Variants in SFSWAP observed in about 807,000 individuals in gnomAD.
The protein encoded by SFSWAP is splicing factor SWAP.
A neutral mutation model predicts 100.7 loss-of-function variants in SFSWAP; 17 were observed. The observed-to-expected ratio is 0.17, with a 90% confidence interval of 0.12 to 0.25. The LOEUF is 0.25. Ranked by LOEUF, SFSWAP falls within the 10% of genes least tolerant of loss-of-function variation. The pLI is 1.00. For synonymous variants in SFSWAP, 504 were observed against 510.1 expected, an observed-to-expected ratio of 0.99 and a Z score of 0.16; for missense variants, 1,005 against 1,262.6, an observed-to-expected ratio of 0.80 and a Z score of 3.09.
At chr12:131,749,225 G>T (rs1411036875) in intron 7 of SFSWAP, among the ~76,000 whole-genome samples, 1 of 152,212 alleles carries the variant, frequency 6.6e-6, no homozygotes, top group African/African-American at 2.4e-5. Context: ...CCACTTCACG[G>T]TGTTGTCAGT....
At chr12:131,719,396 T>G in intron 3 of SFSWAP, 58 bp from the exon 4 acceptor site, 2 of 1,263,574 alleles carry the variant, frequency 1.6e-6, no homozygotes, top group Non-Finnish European at 2.3e-6. Context: ...CTGCCTGCTG[T>G]TAGCAGGTGC....
chr12:131,786,482 C>T lies in SFSWAP; in HGVS notation c.2428C>T (p.Arg810Trp), dbSNP rs368389559. The T allele has an allele frequency of 2.3e-5, 36 of 1,586,774 alleles. No homozygotes were observed. The highest frequency in any genetic ancestry group is 2.8e-5 in the Non-Finnish European group (33 of 1,167,560). ...GTCCAGGTCCCGCTCCCGGTCCCCT[C>T]GGAGGAGAGCCCACTCCCCTGAGAG... ...RRSRSRSRSP[R>W]RRAHSPERRR... is the part of the protein sequence containing the mutation. Residue 810 changes from arginine (R) to tryptophan (W), a missense_variant, in exon 15 of 18, where the codon CGG (arginine) becomes TGG (tryptophan). Arg to Trp is a moderately radical substitution (Grantham distance 101). This residue lies in a region of SFSWAP where 295 missense variants were observed against 347.9 expected (regional missense o/e 0.85). Transcript: ENST00000261674.
chr12:131,744,952 T>C (rs556255270), intron 7 of SFSWAP, among the ~76,000 whole-genome samples: 1 of 152,290 alleles, frequency 6.6e-6, no homozygotes, highest in African/African-American at 2.4e-5. Flanking sequence ...TTCATTAACA[T>C]GAGAACAGCG....
intron 4 of SFSWAP, among the ~76,000 whole-genome samples, chr12:131,721,465 A>C (rs1302988082): frequency 3.3e-5 from 5 of 152,224 alleles, no homozygotes; most frequent in Non-Finnish European, 5.9e-5. Flanking sequence ...CATGAGAGAC[A>C]CATTAACATG....
intron 7 of SFSWAP, among the ~76,000 whole-genome samples, chr12:131,742,153 A>G (rs1418150150): frequency 1.3e-5 from 2 of 152,114 alleles, no homozygotes; most frequent in Non-Finnish European, 2.9e-5. Context: ...GTATCACAGC[A>G]TATGTGTCAG....
chr12:131,789,490 T>C (rs1885105588), intron 15 of SFSWAP, among the ~76,000 whole-genome samples: 1 of 152,116 alleles, frequency 6.6e-6, no homozygotes, highest in South Asian at 2.1e-4. Context: ...TGCCTGTGAA[T>C]AGCCACTGCA....
chr12:131,783,179 TAA>T (rs555914355), intron 14 of SFSWAP, among the ~76,000 whole-genome samples: 66 of 124,532 alleles, frequency 5.3e-4, no homozygotes, highest in Admixed American at 8.3e-4. Flanking sequence ...AGACTCCGTC[TAA>T]AAAAAAAAAA....
intron 1 of SFSWAP, 171 bp from the exon 2 acceptor site, chr12:131,713,900 A>G (rs1877633848): frequency 2.3e-6 from 1 of 435,766 alleles, no homozygotes; most frequent in African/African-American, 2.0e-5. Context: ...AGATATGACT[A>G]TCCAAATTAA....
chr12:131,725,684 G>A lies in SFSWAP; in HGVS notation c.832+54G>A, dbSNP rs76666990. ...GACTTTGGGCCTGTGTTGTGGGGGC[G>A]GCAGGCTGGGTGGTTCTGGGAAAAG... On this transcript the variant is annotated intron_variant, in intron 5 of 17. Coordinates refer to ENST00000261674, the MANE Select transcript of SFSWAP (RefSeq NM_004592.4). This position sits in a 1 kb window ranked among gnomAD's most constrained non-coding sequence, Gnocchi z 4.3. The A allele has an allele frequency of 1.9e-3, 2,649 of 1,361,174 alleles. 63 individuals are homozygous for A. The East Asian group carries it at 0.047, about 24-fold the overall frequency. The allele number at this position is 1,361,174 out of a possible 1,614,324, so 84.3% of individuals were successfully genotyped here.
chr12:131,750,142 G>A (rs1389710327), intron 7 of SFSWAP, among the ~76,000 whole-genome samples: 1 of 152,242 alleles, frequency 6.6e-6, no homozygotes, highest in Non-Finnish European at 1.5e-5. Context: ...AGTGTCTGGG[G>A]AAGGATGGAT....
intron 11 of SFSWAP, 70 bp downstream of exon 11, chr12:131,756,714 C>T (rs570796480): frequency 1.4e-6 from 2 of 1,384,052 alleles, no homozygotes; most frequent in South Asian, 1.5e-5. Context: ...TCCTCGGTGA[C>T]CTCAGACTCA....
chr12:131,770,251 C>G (rs975466274), intron 13 of SFSWAP, among the ~76,000 whole-genome samples: 2 of 152,186 alleles, frequency 1.3e-5, no homozygotes, highest in Non-Finnish European at 2.9e-5. Flanking sequence ...TTCTCGGAGT[C>G]CAGGAGGACT....
intron 7 of SFSWAP, among the ~76,000 whole-genome samples, chr12:131,735,319 T>C (rs1353274279): frequency 6.6e-6 from 1 of 152,242 alleles, no homozygotes; most frequent in African/African-American, 2.4e-5. Flanking sequence ...TGGATGACTC[T>C]GAGCCCTTTG....
Position 131,754,627 on chromosome 12 carries a change from CTTTTTTT to C in SFSWAP, c.1454+146_1454+152del, listed in dbSNP as rs869226840. 21 of 80,750 alleles carry C rather than the reference CTTTTTTT, an allele frequency of 2.6e-4. No individual in the cohort carries two copies. The South Asian group carries it at 4.6e-3, about 18-fold the overall frequency. The allele number at this position is 80,750 out of a possible 1,614,324, so 5.0% of individuals were successfully genotyped here. On this transcript the variant is annotated intron_variant, in intron 9 of 17. Transcript: ENST00000261674. ...TTAAGCCTTTTCTTGGCTCAAATGT[CTTTTTTT>C]TTTTTTTTTTTTTTTTTGAGATGGA...
rs142327691 is a variant in SFSWAP at position 131,795,496 on chromosome 12, C to G, written c.2535-1682C>G. 3.8e-3 allele frequency among the ~76,000 whole-genome samples: 572 copies of G among 152,282 alleles called. 4 individuals carry two copies. Among genetic ancestry groups the G allele is most frequent in the Non-Finnish European group, 4.0e-3 (273 of 68,006 alleles). On this transcript the variant is annotated intron_variant, in intron 15 of 17. Transcript: ENST00000261674. ...TGCAGGGCCAGACACTGGTGAGGTC[C>G]TAGAGATGGGTAGAGGGCACAGCCC...
At chr12:131,754,627 C>CTTTTTTTTTTTTTTTTTT (rs869226840) in intron 9 of SFSWAP, 128 bp downstream of exon 9, 1 of 79,840 alleles carries the variant, frequency 1.3e-5, no homozygotes, top group Non-Finnish European at 2.1e-5. Context: ...GCTCAAATGT[C>CTTTTTTTTTTTTTTTTTT]TTTTTTTTTT....
At chr12:131,746,489 T>C (rs889526888) in intron 7 of SFSWAP, among the ~76,000 whole-genome samples, 2 of 152,178 alleles carry the variant, frequency 1.3e-5, no homozygotes, top group African/African-American at 4.8e-5. Context: ...CTGTCCCCCG[T>C]CCCCGCCTGG....
chr12:131,751,309 G>C (rs953845622), intron 7 of SFSWAP, among the ~76,000 whole-genome samples: 27 of 152,208 alleles, frequency 1.8e-4, no homozygotes, highest in African/African-American at 6.3e-4. Context: ...TGTGAATTCA[G>C]ATCCCGTCCT....
At position 131,711,657 on chromosome 12, in the gene SFSWAP, C is replaced by T; in HGVS notation, c.218+210C>T. The T allele has an allele frequency of 3.5e-6, 2 of 564,242 alleles. No homozygotes were observed. The highest frequency in any genetic ancestry group is 6.3e-6 in the Non-Finnish European group (2 of 315,460). 35.0% of individuals were successfully genotyped at this position (564,242 alleles called of 1,614,324 possible). ...CTAAGGCACTGGCTGGAATTGCGTG[C>T]CGCGTCCGTCTCCGGAGGGATCGTC... is the stretch of plus-strand genomic sequence containing the variant. On this transcript the variant is annotated intron_variant, in intron 1 of 17. Coordinates refer to ENST00000261674, the MANE Select transcript of SFSWAP (RefSeq NM_004592.4). The surrounding 1 kb of genome is among the most constrained non-coding windows in gnomAD (Gnocchi z 4.9).
Sources: allele counts gnomAD v4.1 joint callset (sites outside exome capture counted in the v4.1 genomes callset), GRCh38; gene constraint gnomAD v4.1.1; regional missense constraint gnomAD v4.1.1; non-coding constraint Gnocchi (gnomAD v3.1); transcripts MANE v1.5; gene names NCBI Gene and HGNC (gene_info 2026-07-23, HGNC 2026-07-21).